NOVA2: variants seen among roughly 807,000 people sequenced by gnomAD.
NOVA2 encodes the protein NOVA alternative splicing regulator 2.
Under a neutral mutation model 22.5 loss-of-function variants are expected in NOVA2, and 9 were observed. The observed-to-expected ratio is 0.40, with a 90% CI of 0.24 to 0.70. The LOEUF (loss-of-function observed/expected upper bound fraction) is 0.70. Among genes scored for constraint, NOVA2 ranks in the 30% least tolerant of loss-of-function variants. The pLI is 0.38. For synonymous variants in NOVA2, 318 were observed against 335.2 expected, an observed-to-expected ratio of 0.95 and a Z score of 0.56; for missense variants, 383 against 682.8, an observed-to-expected ratio of 0.56 and a Z score of 4.89.
At chr19:45,941,225 G>A (rs1967752166) in intron 3 of NOVA2, among the ~76,000 whole-genome samples, 1 of 151,924 alleles carries the variant, frequency 6.6e-6, no homozygotes, top group Admixed American at 6.6e-5. Flanking sequence ...CCAGGAGAGG[G>A]AGGATGCAGT....
At chr19:45,959,817 A>AGAGG (rs1314536361) in intron 2 of NOVA2, among the ~76,000 whole-genome samples, 75 of 121,832 alleles carry the variant, frequency 6.2e-4, no homozygotes, top group Admixed American at 5.4e-3. Context: ...AGAGAGACAG[A>AGAGG]GAGGGAGAGA....
At chr19:45,972,779 C>A (rs1207921103) in intron 1 of NOVA2, among the ~76,000 whole-genome samples, 3 of 152,138 alleles carry the variant, frequency 2.0e-5, no homozygotes, top group Non-Finnish European at 4.4e-5. Context: ...CCCAGCCTGT[C>A]CCCACGCACG....
intron 3 of NOVA2, among the ~76,000 whole-genome samples, chr19:45,949,736 G>A (rs959503369): frequency 1.4e-4 from 18 of 129,698 alleles, no homozygotes; most frequent in African/African-American, 5.5e-4. Context: ...CAAATCGTAG[G>A]TTGTTTTTTT....
At chr19:45,971,564 C>T (rs1303013779) in intron 1 of NOVA2, among the ~76,000 whole-genome samples, 1 of 152,234 alleles carries the variant, frequency 6.6e-6, no homozygotes, top group East Asian at 1.9e-4. Context: ...ATTCCTGTCC[C>T]ACCTGGATGG....
intron 1 of NOVA2, chr19:45,967,949 GA>G (rs75135573): frequency 0.38 from 54,280 of 144,548 alleles, 11,640 homozygotes; most frequent in Non-Finnish European, 0.5. Flanking sequence ...TCTCAAAAAA[GA>G]AAAAAAAAAA....
At chr19:45,959,821 GGAGA>G (rs146270704) in intron 2 of NOVA2, among the ~76,000 whole-genome samples, 17 of 136,732 alleles carry the variant, frequency 1.2e-4, no homozygotes, top group Admixed American at 3.0e-4. Context: ...AGACAGAGAG[GGAGA>G]GAGAGAGAGA....
At chr19:45,961,709 G>A (rs1314072223) in intron 1 of NOVA2, among the ~76,000 whole-genome samples, 1 of 152,148 alleles carries the variant, frequency 6.6e-6, no homozygotes, top group Non-Finnish European at 1.5e-5. Context: ...TCCTATGAAG[G>A]AACCCATCAT....
chr19:45,970,523 C>T (rs1968219873), intron 1 of NOVA2, among the ~76,000 whole-genome samples: 1 of 151,850 alleles, frequency 6.6e-6, no homozygotes, highest in Non-Finnish European at 1.5e-5. Flanking sequence ...CTATAGGCGC[C>T]CACCACCATG....
At chr19:45,943,346 G>A (rs537804865) in intron 3 of NOVA2, among the ~76,000 whole-genome samples, 3 of 151,090 alleles carry the variant, frequency 2.0e-5, no homozygotes, top group East Asian at 2.0e-4. Context: ...GTGAGCCACC[G>A]CACCCAGACA....
rs578226364 is a variant in NOVA2 at position 45,958,047 on chromosome 19, G to C, written c.229+2963C>G. Among the ~76,000 whole-genome samples, 29 of 150,848 alleles carry C rather than the reference G, an allele frequency of 1.9e-4. No individual in the cohort carries two copies. The East Asian group carries it at 3.3e-3, about 17-fold the overall frequency. ...GACTCGCTTGGACCCAGGAGGCAGG[G>C]GTTGCAGTGAGCCGAGATCACGCCA... On this transcript the variant is annotated intron_variant, in intron 2 of 3. Coordinates refer to ENST00000263257, the MANE Select transcript of NOVA2 (RefSeq NM_002516.4).
chr19:45,938,421 C>G lies in NOVA2; in HGVS notation c.*1442G>C, dbSNP rs1240551794. On this transcript the variant is annotated 3_prime_UTR_variant, in exon 4 of 4. Transcript: ENST00000263257. ...AACCAATCTAACCTATCAGACCACACGAAGCATTCTGGCCCAAGGGACCCT... is the reference window on the plus strand; with the variant it reads ...AACCAATCTAACCTATCAGACCACAGGAAGCATTCTGGCCCAAGGGACCCT... 1 of 152,406 alleles carries G rather than the reference C, an allele frequency of 6.6e-6. No individual in the cohort carries two copies. The highest frequency in any genetic ancestry group is 1.5e-5 in the Non-Finnish European group (1 of 68,112). The allele number at this position is 152,406 out of a possible 1,614,324, so 9.4% of individuals were successfully genotyped here.
At chr19:45,952,086 G>A (rs564530864) in intron 3 of NOVA2, among the ~76,000 whole-genome samples, 3 of 152,248 alleles carry the variant, frequency 2.0e-5, no homozygotes, top group Admixed American at 2.0e-4. Context: ...AAGAGAAACT[G>A]AGGTCTACAG....
rs758202848 is a variant in NOVA2, at chr19:45,940,607, C to T, written c.735G>A (p.Ser245=). The T allele has an allele frequency of 9.1e-6, 13 of 1,423,722 alleles. No homozygotes were observed. The highest frequency in any genetic ancestry group is 1.1e-5 in the Non-Finnish European group (12 of 1,101,702). 88.2% of individuals were successfully genotyped at this position (1,423,722 alleles called of 1,614,324 possible). A position where few individuals can be genotyped will look rare whatever the true frequency, so the allele number is the denominator to read the frequency against. ...ADVLPAAAAA[S]AAAASGLLGP... ...CCAGCAGGCCGGAGGCGGCGGCGGC[C>T]GACGCTGCGGCCGCGGCTGGCAGCA... The change falls in exon 4 of 4, where the codon TCG becomes TCA. Residue 245 remains serine (S), a synonymous_variant. Transcript: ENST00000263257.
intron 2 of NOVA2, among the ~76,000 whole-genome samples, chr19:45,958,417 T>A (rs950566282): frequency 6.7e-6 from 1 of 149,472 alleles, no homozygotes; most frequent in Non-Finnish European, 1.5e-5. Context: ...GGGGTGTGTG[T>A]GAGTGTGAAT....
At chr19:45,954,679 G>C (rs1967977120) in intron 2 of NOVA2, among the ~76,000 whole-genome samples, 1 of 151,940 alleles carries the variant, frequency 6.6e-6, no homozygotes, top group South Asian at 2.1e-4. Flanking sequence ...GTCTTTCCTG[G>C]AGATTCTCCA....
At chr19:45,944,401 C>T (rs184484850) in intron 3 of NOVA2, among the ~76,000 whole-genome samples, 1 of 152,064 alleles carries the variant, frequency 6.6e-6, no homozygotes, top group African/African-American at 2.4e-5. Flanking sequence ...GTGATTGTGC[C>T]ACTGTACTCC....
chr19:45,964,947 C>A (rs190112003), intron 1 of NOVA2, among the ~76,000 whole-genome samples: 2 of 152,146 alleles, frequency 1.3e-5, no homozygotes, highest in East Asian at 1.9e-4. Context: ...TGTGGCTTTG[C>A]AGGCATGGGG....
intron 1 of NOVA2, among the ~76,000 whole-genome samples, chr19:45,963,225 A>G (rs527990139): frequency 6.6e-6 from 1 of 151,960 alleles, no homozygotes; most frequent in Non-Finnish European, 1.5e-5. Context: ...CTAAAAGTAC[A>G]AAAATTCGCC....
intron 2 of NOVA2, among the ~76,000 whole-genome samples, chr19:45,955,335 GAGA>G (rs1967988816): frequency 6.6e-6 from 1 of 152,186 alleles, no homozygotes; most frequent in Non-Finnish European, 1.5e-5. Context: ...GTGTGAACCT[GAGA>G]AGGAGAGACA....
Sources: gnomAD v4.1 joint callset for allele counts (sites outside exome capture counted in the v4.1 genomes callset) on GRCh38, gnomAD v4.1.1 for gene constraint, MANE v1.5 for transcripts, NCBI Gene and HGNC (gene_info 2026-07-23, HGNC 2026-07-21) for gene names.